The following WWOX variants were observed in gnomAD, a reference collection of about 807,000 sequenced individuals.
The protein encoded by WWOX is WW domain containing oxidoreductase, also known as WW domain-containing oxidoreductase.
WWOX carries 69 observed loss-of-function variants against 46.2 expected under a neutral mutation model. That is an observed-to-expected ratio of 1.49 (90% CI 1.23 to 1.82). The LOEUF is 1.82. Among genes scored for constraint, WWOX ranks in the 40% most tolerant of loss-of-function variants. WWOX has a pLI of 0.00. For synonymous variants in WWOX, 359 were observed against 202.6 expected, an observed-to-expected ratio of 1.77 and a Z score of -6.56; for missense variants, 919 against 542.6, an observed-to-expected ratio of 1.69 and a Z score of -6.89.
At chr16:78,313,601 G>A (rs1283106534) in intron 5 of WWOX, among the ~76,000 whole-genome samples, 8 of 152,148 alleles carry the variant, frequency 5.3e-5, no homozygotes, top group Non-Finnish European at 4.4e-5. Flanking sequence ...CCTGACCTCA[G>A]GTGATCTGCC....
chr16:78,221,013 C>G (rs1237098914), intron 5 of WWOX, among the ~76,000 whole-genome samples: 4 of 152,078 alleles, frequency 2.6e-5, no homozygotes, highest in African/African-American at 9.7e-5. Context: ...TTCATTTTCT[C>G]TTATCCAAAT....
chr16:78,512,842 T>A (rs988801730), intron 8 of WWOX, among the ~76,000 whole-genome samples: 6 of 152,234 alleles, frequency 3.9e-5, no homozygotes, highest in African/African-American at 1.4e-4. Context: ...TCCCTTTGCT[T>A]CCGAATGCAG....
intron 4 of WWOX, among the ~76,000 whole-genome samples, chr16:78,117,311 C>A (rs1474555056): frequency 3.3e-5 from 5 of 152,012 alleles, no homozygotes; most frequent in African/African-American, 1.2e-4. Context: ...CTTTCCTATT[C>A]AAGTGCCCAC....
At chr16:79,190,119 G>T (rs1313162772) in intron 8 of WWOX, among the ~76,000 whole-genome samples, 1 of 152,048 alleles carries the variant, frequency 6.6e-6, no homozygotes, top group Non-Finnish European at 1.5e-5. Flanking sequence ...CAGTCTCCCA[G>T]GTTAAAGCAA....
chr16:78,699,748 A>T (rs1434327660), intron 8 of WWOX, among the ~76,000 whole-genome samples: 5 of 152,116 alleles, frequency 3.3e-5, no homozygotes, highest in Non-Finnish European at 7.4e-5. Context: ...GCCTTTTTTC[A>T]GGCTCTTCTA....
At chr16:78,107,452 T>C (rs1205484949) in intron 1 of WWOX, among the ~76,000 whole-genome samples, 2 of 152,214 alleles carry the variant, frequency 1.3e-5, no homozygotes, top group Non-Finnish European at 2.9e-5. Flanking sequence ...TGCGAAACCC[T>C]GGATGTACAA....
chr16:78,828,753 A>T (rs964775028), intron 8 of WWOX, among the ~76,000 whole-genome samples: 2 of 152,054 alleles, frequency 1.3e-5, no homozygotes, highest in Non-Finnish European at 2.9e-5. Context: ...CAACCCTATA[A>T]AGTGGGCACA....
At chr16:78,904,096 C>G (rs1313504454) in intron 8 of WWOX, among the ~76,000 whole-genome samples, 2 of 152,158 alleles carry the variant, frequency 1.3e-5, no homozygotes, top group Non-Finnish European at 2.9e-5. Context: ...GTCCACCTTT[C>G]TGAAGAAAAC....
chr16:79,023,772 C>T (rs373926095), intron 8 of WWOX, among the ~76,000 whole-genome samples: 2 of 138,130 alleles, frequency 1.4e-5, no homozygotes, highest in African/African-American at 5.6e-5. Context: ...TATGGTGATA[C>T]CCCATCTCTA....
In WWOX at chr16:78,479,905, A is replaced by G. The variant is rs1048218040; in HGVS notation, c.1056+47153A>G. Among the ~76,000 whole-genome samples the G allele has an allele frequency of 6.6e-5, 10 of 152,214 alleles. 1 individual carries two copies. Among genetic ancestry groups the G allele is most frequent in the Non-Finnish European group, 1.3e-4 (9 of 68,044 alleles). ...GCATTGTTCACTGCCCCCTCCTGGG[A>G]AGGAGGAACCAATGACAATGGAGCA... On this transcript the variant is annotated intron_variant, in intron 8 of 8. Coordinates refer to ENST00000566780, the MANE Select transcript of WWOX (RefSeq NM_016373.4).
intron 8 of WWOX, among the ~76,000 whole-genome samples, chr16:78,547,892 C>G (rs532594900): frequency 1.3e-5 from 2 of 152,206 alleles, no homozygotes; most frequent in South Asian, 2.1e-4. Context: ...TGGCTCACAC[C>G]TGTAATCCCA....
intron 5 of WWOX, among the ~76,000 whole-genome samples, chr16:78,323,253 C>A (rs905093577): frequency 6.6e-6 from 1 of 151,986 alleles, no homozygotes; most frequent in Non-Finnish European, 1.5e-5. Context: ...ACTACAGGCC[C>A]CCGCCACCAT....
At chr16:78,876,798 A>C (rs942254823) in intron 8 of WWOX, among the ~76,000 whole-genome samples, 1 of 152,198 alleles carries the variant, frequency 6.6e-6, no homozygotes, top group African/African-American at 2.4e-5. Context: ...CACCTCATCT[A>C]TTATGCTGTG....
At chr16:78,995,534 T>G (rs957829434) in intron 8 of WWOX, among the ~76,000 whole-genome samples, 4 of 151,310 alleles carry the variant, frequency 2.6e-5, no homozygotes, top group African/African-American at 9.7e-5. Context: ...TTCTTCTAAC[T>G]GAAGATAAAT....
At chr16:78,368,739 G>C (rs1487025143) in intron 5 of WWOX, among the ~76,000 whole-genome samples, 1 of 152,156 alleles carries the variant, frequency 6.6e-6, no homozygotes, top group Non-Finnish European at 1.5e-5. Flanking sequence ...AACACGTGCA[G>C]TCTGCAACTT....
At chr16:78,374,527 A>T (rs1318044072) in intron 5 of WWOX, among the ~76,000 whole-genome samples, 5 of 70,906 alleles carry the variant, frequency 7.1e-5, no homozygotes, top group African/African-American at 3.1e-4. Flanking sequence ...TCTGTCTTGA[A>T]TTTTTTTTTT....
chr16:78,923,794 G>GTTT lies in WWOX; in HGVS notation c.1057-287793_1057-287791dup, dbSNP rs56852814. On this transcript the variant is annotated intron_variant, in intron 8 of 8. Coordinates refer to ENST00000566780, the MANE Select transcript of WWOX (RefSeq NM_016373.4). The stretch of plus-strand genomic sequence containing the variant: ...GATTGCTAGGAACTGTTTTTAGTTA[G>GTTT]TTTTTTTTTTTTTTTTTTTTTTTCA... Among the ~76,000 whole-genome samples the GTTT allele has an allele frequency of 2.3e-3, 231 of 102,128 alleles. 15 individuals carry two copies. Among genetic ancestry groups the GTTT allele is most frequent in the East Asian group, 5.6e-3 (20 of 3,560 alleles). The allele number at this position is 102,128 out of a possible 152,430, so 67.0% of individuals were successfully genotyped here. A position where few individuals can be genotyped will look rare whatever the true frequency, so the allele number is the denominator to read the frequency against.
At chr16:78,313,881 C>T (rs956788544) in intron 5 of WWOX, among the ~76,000 whole-genome samples, 23 of 152,186 alleles carry the variant, frequency 1.5e-4, no homozygotes, top group African/African-American at 5.3e-4. Context: ...AGAATTCATT[C>T]TCAGATTGGA....
At chr16:79,008,116 C>T (rs2047225053) in intron 8 of WWOX, among the ~76,000 whole-genome samples, 1 of 152,146 alleles carries the variant, frequency 6.6e-6, no homozygotes, top group South Asian at 2.1e-4. Flanking sequence ...TAACAGAATT[C>T]ATTTTCTTGT....
Sources: gnomAD v4.1 joint callset for allele counts (sites outside exome capture counted in the v4.1 genomes callset) on GRCh38, gnomAD v4.1.1 for gene constraint, MANE v1.5 for transcripts, NCBI Gene and HGNC (gene_info 2026-07-23, HGNC 2026-07-21) for gene names.